RRM2: variants seen among roughly 807,000 people sequenced by gnomAD.
RRM2 encodes the protein ribonucleoside-diphosphate reductase subunit M2.
Under a neutral mutation model 45.9 loss-of-function variants are expected in RRM2, and 6 were observed. That is an observed-to-expected ratio of 0.13 (90% CI 0.07 to 0.26). The LOEUF is 0.26. Ranked by LOEUF, RRM2 falls within the 10% of genes least tolerant of loss-of-function variation. RRM2 has a pLI of 1.00. For missense variants in RRM2, 343 were observed against 489.5 expected, an observed-to-expected ratio of 0.70 and a Z score of 2.82; for synonymous variants, 177 against 173.0, an observed-to-expected ratio of 1.02 and a Z score of -0.18.
Position 10,124,774 on chromosome 2 carries a change from C to T in RRM2, c.493C>T (p.Gln165Ter). ...AGAAGCCCGCTGTTTCTATGGCTTC[C>T]AAATTGCCATGGAAAACATACATTC... Reference protein sequence around the residue: ...ITEARCFYGFQIAMENIHSEM... With the variant: ...ITEARCFYGF Residue 165 changes from glutamine to a stop codon, truncating the protein, a stop_gained, in exon 5 of 10, where the codon CAA becomes TAA. Transcript: ENST00000304567. LOFTEE classifies it high-confidence loss of function. 6.2e-7 allele frequency: 1 copy of T among 1,612,228 alleles called. No individual in the cohort carries two copies. Among genetic ancestry groups the T allele is most frequent in the Non-Finnish European group, 8.5e-7 (1 of 1,179,468 alleles).
chr2:10,192,894 A>G (rs532668655), intron 3 of RRM2, among the ~76,000 whole-genome samples: 25 of 152,318 alleles, frequency 1.6e-4, no homozygotes, highest in Non-Finnish European at 2.9e-4. Flanking sequence ...GTCCTCCAGC[A>G]GGAGGTAGCT....
chr2:10,179,390 A>G (rs576874963), intron 3 of RRM2, among the ~76,000 whole-genome samples: 1 of 152,284 alleles, frequency 6.6e-6, no homozygotes, highest in South Asian at 2.1e-4. Context: ...GACCTAGGGC[A>G]TCCACCCGCC....
At chr2:10,189,773 G>A (rs1359883232) in intron 3 of RRM2, among the ~76,000 whole-genome samples, 13 of 152,252 alleles carry the variant, frequency 8.5e-5, no homozygotes, top group Admixed American at 5.9e-4. Flanking sequence ...CTTACATGAG[G>A]CATGGTGACA....
intron 3 of RRM2, among the ~76,000 whole-genome samples, chr2:10,193,839 T>C (rs1664359786): frequency 6.6e-6 from 1 of 152,166 alleles, no homozygotes. Context: ...AGCATGAGAT[T>C]GCAGAGCCAA....
chr2:10,186,377 G>T (rs1664167102), intron 3 of RRM2, among the ~76,000 whole-genome samples: 1 of 150,776 alleles, frequency 6.6e-6, no homozygotes, highest in Non-Finnish European at 1.5e-5. Flanking sequence ...GGATGGTCTC[G>T]ATTTCCTGAC....
chr2:10,122,738 C>T (rs72542788), upstream of RRM2: 5 of 1,553,284 alleles, frequency 3.2e-6, no homozygotes, highest in Admixed American at 3.9e-5. Context: ...AGGGGTCGCC[C>T]GTGCACCCTG....
rs761582156 is a variant in RRM2 at position 10,166,456 on chromosome 2, C to T, written n.482+24081C>T. On this transcript the variant is annotated intron_variant and non_coding_transcript_variant, in intron 3 of 3. Coordinates refer to the RRM2 transcript ENST00000381786. ...CAAGCTGCCCTGAACAGAGCCTGGT[C>T]TCTCAGGGTGAGGGTGGGTCAGGGA... Among the ~76,000 whole-genome samples the T allele has an allele frequency of 7.9e-5, 12 of 152,256 alleles. 1 individual carries two copies. The highest frequency in any genetic ancestry group is 1.5e-4 in the Non-Finnish European group (10 of 68,042).
At chr2:10,207,862 T>C (rs1664693276) in intron 3 of RRM2, among the ~76,000 whole-genome samples, 1 of 152,152 alleles carries the variant, frequency 6.6e-6, no homozygotes, top group African/African-American at 2.4e-5. Context: ...TAAGTTCCTA[T>C]AGGTAAAAGC....
At chr2:10,174,222 C>G (rs888850332) in intron 3 of RRM2, among the ~76,000 whole-genome samples, 2 of 152,224 alleles carry the variant, frequency 1.3e-5, no homozygotes, top group African/African-American at 4.8e-5. Context: ...CCTTGGACTT[C>G]TAGTCCCCAG....
intron 3 of RRM2, among the ~76,000 whole-genome samples, chr2:10,181,402 C>T (rs564324261): frequency 3.3e-5 from 5 of 152,292 alleles, no homozygotes; most frequent in South Asian, 4.1e-4. Context: ...CTTTAGGTTT[C>T]GTTGATTGTC....
downstream of RRM2, among the ~76,000 whole-genome samples, chr2:10,136,157 G>A (rs758810841): frequency 1.3e-5 from 2 of 152,210 alleles, no homozygotes; most frequent in African/African-American, 2.4e-5. Flanking sequence ...CCTGGATGGG[G>A]TAGGGTGTGG....
Position 10,195,630 on chromosome 2 carries a change from C to T in RRM2, n.483-14681C>T, listed in dbSNP as rs1356947761. 4.6e-5 allele frequency among the ~76,000 whole-genome samples: 7 copies of T among 152,168 alleles called. No individual in the cohort carries two copies. Among genetic ancestry groups the T allele is most frequent in the Admixed American group, 3.3e-4 (5 of 15,278 alleles). On this transcript the variant is annotated intron_variant and non_coding_transcript_variant, in intron 3 of 3. Transcript: ENST00000381786. The surrounding 1 kb of genome is among the most constrained non-coding windows in gnomAD (Gnocchi z 4.9). The stretch of plus-strand genomic sequence containing the variant: ...GTGGGAAGCGAGGGAGAAGAGGTCG[C>T]GGTGAGCCTCGGGTGGACCCATGTG...
chr2:10,150,445 CAAAAA>C (rs564823462), intron 3 of RRM2, among the ~76,000 whole-genome samples: 1 of 84,442 alleles, frequency 1.2e-5, no homozygotes. Context: ...GACTCTGCCT[CAAAAA>C]AAAAAAAAAA....
intron 3 of RRM2, among the ~76,000 whole-genome samples, chr2:10,198,338 G>C (rs1664457879): frequency 6.6e-6 from 1 of 151,960 alleles, no homozygotes; most frequent in Admixed American, 6.5e-5. Flanking sequence ...CCTGGGAGAA[G>C]CCCTAAGCTG....
Position 10,205,165 on chromosome 2 carries a change from G to T in RRM2, n.483-5146G>T, listed in dbSNP as rs1664640799. Among the ~76,000 whole-genome samples the T allele has an allele frequency of 6.6e-6, 1 of 152,238 alleles. No homozygotes were observed. The highest frequency in any genetic ancestry group is 6.5e-5 in the Admixed American group (1 of 15,288). ...TATTGTCCTGGCTAGTTCAGCTGGA[G>T]GCCAGGGGTCGGAGACTTAGAGAAA... On this transcript the variant is annotated intron_variant and non_coding_transcript_variant, in intron 3 of 3. Coordinates refer to the RRM2 transcript ENST00000381786. The surrounding 1 kb of genome is among the most constrained non-coding windows in gnomAD (Gnocchi z 4.8).
rs1664624694 is a variant in RRM2 at position 10,204,252 on chromosome 2, T to C, written n.483-6059T>C. ...AGGGCAGACTGACCCGTGATGGGCA[T>C]GGGAGCCCAGAAAAAGGCCCCATCC... On this transcript the variant is annotated intron_variant and non_coding_transcript_variant, in intron 3 of 3. Transcript: ENST00000381786. The surrounding 1 kb of genome is among the most constrained non-coding windows in gnomAD (Gnocchi z 4.0). Among the ~76,000 whole-genome samples the C allele has an allele frequency of 1.3e-5, 2 of 151,952 alleles. No homozygotes were observed. Among genetic ancestry groups the C allele is most frequent in the Admixed American group, 6.6e-5 (1 of 15,254 alleles).
At chr2:10,177,290 AT>A (rs1663937591) in intron 3 of RRM2, among the ~76,000 whole-genome samples, 1 of 149,734 alleles carries the variant, frequency 6.7e-6, no homozygotes, top group Non-Finnish European at 1.5e-5. Context: ...ATAAAAAAAA[AT>A]ATGGTACTGA....
In RRM2 at chr2:10,170,562, G is replaced by A. The variant is rs75915965; in HGVS notation, n.482+28187G>A. Among the ~76,000 whole-genome samples the A allele has an allele frequency of 3.7e-3, 568 of 152,252 alleles. 4 individuals carry two copies. The highest frequency in any genetic ancestry group is 7.2e-3 in the Non-Finnish European group (492 of 68,010). ...CAAGAGAGAATGATGCCAAGGAGGC[G>A]CCTGGGCAGCTGATGAGCTCAGCCC... On this transcript the variant is annotated intron_variant and non_coding_transcript_variant, in intron 3 of 3. Coordinates refer to the RRM2 transcript ENST00000381786.
chr2:10,187,610 C>A (rs1381711743), intron 3 of RRM2, among the ~76,000 whole-genome samples: 2 of 152,158 alleles, frequency 1.3e-5, no homozygotes, highest in Non-Finnish European at 2.9e-5. Context: ...GGATCTGGCC[C>A]CATGTGGATC....
Sources: allele counts gnomAD v4.1 joint callset (sites outside exome capture counted in the v4.1 genomes callset), GRCh38; gene constraint gnomAD v4.1.1; non-coding constraint Gnocchi (gnomAD v3.1); transcripts MANE v1.5; gene names NCBI Gene and HGNC (gene_info 2026-07-23, HGNC 2026-07-21).